MKLN1: variants seen among roughly 807,000 people sequenced by gnomAD.
MKLN1 encodes the protein muskelin 1.
Under a neutral mutation model 99.0 loss-of-function variants are expected in MKLN1, and 18 were observed. That is an observed-to-expected ratio of 0.18 (90% confidence interval 0.13 to 0.27). The LOEUF (loss-of-function observed/expected upper bound fraction) is 0.27, where lower values mean the gene tolerates loss of function less well. Among genes scored for constraint, MKLN1 ranks in the 10% least tolerant of loss-of-function variants. The pLI is 1.00. For synonymous variants in MKLN1, 288 were observed against 293.2 expected (o/e 0.98, Z 0.18); for missense variants, 621 against 875.9 (o/e 0.71, Z 3.67).
chr7:131,460,063 T>A (rs967177297), intron 12 of MKLN1, among the ~76,000 whole-genome samples: 2 of 152,194 alleles, frequency 1.3e-5, no homozygotes, highest in African/African-American at 4.8e-5. Flanking sequence ...TTGGTCATAG[T>A]TTCACTTTTT....
intron 2 of MKLN1, among the ~76,000 whole-genome samples, chr7:131,170,214 T>C (rs1336211946): frequency 6.6e-6 from 1 of 152,204 alleles, no homozygotes; most frequent in Non-Finnish European, 1.5e-5. Flanking sequence ...CAGCCTTCAC[T>C]GCATACTGCA....
chr7:131,417,362 T>A (rs896152968), intron 8 of MKLN1, among the ~76,000 whole-genome samples: 2 of 152,232 alleles, frequency 1.3e-5, no homozygotes, highest in African/African-American at 4.8e-5. Context: ...CTTTTTTTCT[T>A]TTATTCGTTA....
At position 131,124,328 on chromosome 7, in the gene MKLN1, C is replaced by T. The variant is rs551152520; in HGVS notation, c.-419+14121C>T. Among the ~76,000 whole-genome samples, 514 of 152,286 alleles carry T rather than the reference C, an allele frequency of 3.4e-3. 7 individuals carry two copies. The highest frequency in any genetic ancestry group is 4.5e-3 in the Non-Finnish European group (305 of 68,016). On this transcript the variant is annotated intron_variant, in intron 1 of 7. Transcript: ENST00000416992. ...CAGACACATATAGAAACCCGCAAAC[C>T]TGGGGGCTGAACACCTGGCCGAGAA...
chr7:131,316,752 G>A (rs1217942205), intron 3 of MKLN1, among the ~76,000 whole-genome samples: 1 of 152,286 alleles, frequency 6.6e-6, no homozygotes, highest in African/African-American at 2.4e-5. Flanking sequence ...CCAGTTTAGA[G>A]AGGAACATAA....
chr7:131,317,570 G>C (rs543669265), intron 3 of MKLN1, among the ~76,000 whole-genome samples: 1 of 152,100 alleles, frequency 6.6e-6, no homozygotes, highest in East Asian at 1.9e-4. Flanking sequence ...TAACCAGCTA[G>C]CATCATGATG....
chr7:131,476,083 C>T (rs1796958314), intron 16 of MKLN1, among the ~76,000 whole-genome samples: 3 of 152,008 alleles, frequency 2.0e-5, no homozygotes, highest in African/African-American at 4.8e-5. Flanking sequence ...TGAAGAAAAG[C>T]ATCTAAGAAA....
intron 6 of MKLN1, among the ~76,000 whole-genome samples, chr7:131,400,853 A>G (rs1794522404): frequency 6.6e-6 from 1 of 152,104 alleles, no homozygotes; most frequent in Non-Finnish European, 1.5e-5. Flanking sequence ...AGTTTAGAGA[A>G]ATTAGTAGTT....
At chr7:131,229,259 C>G (rs1797203975) in intron 3 of MKLN1, among the ~76,000 whole-genome samples, 1 of 151,876 alleles carries the variant, frequency 6.6e-6, no homozygotes, top group African/African-American at 2.4e-5. Context: ...GTTTGCTGCA[C>G]CCATCGATCC....
intron 2 of MKLN1, among the ~76,000 whole-genome samples, chr7:131,152,684 C>T (rs952747888): frequency 1.3e-5 from 2 of 151,374 alleles, no homozygotes; most frequent in African/African-American, 2.4e-5. Context: ...ATTTTTAGTA[C>T]AGACAGGGTT....
intron 3 of MKLN1, among the ~76,000 whole-genome samples, chr7:131,388,067 T>G (rs1159125748): frequency 6.6e-6 from 1 of 152,140 alleles, no homozygotes; most frequent in Non-Finnish European, 1.5e-5. Context: ...CTTGGGAGGC[T>G]GAGGCAGGAG....
At chr7:131,194,488 G>C (rs1584824392) in intron 2 of MKLN1, among the ~76,000 whole-genome samples, 2 of 152,222 alleles carry the variant, frequency 1.3e-5, no homozygotes, top group Non-Finnish European at 2.9e-5. Flanking sequence ...TTATAAATGG[G>C]TATCATTATT....
chr7:131,297,231 T>G (rs1057219235), intron 3 of MKLN1, among the ~76,000 whole-genome samples: 9 of 152,114 alleles, frequency 5.9e-5, no homozygotes, highest in South Asian at 2.1e-4. Flanking sequence ...TGTGGTGGCG[T>G]GCGCCTGTAG....
intron 3 of MKLN1, among the ~76,000 whole-genome samples, chr7:131,271,390 A>G (rs7808188): frequency 0.39 from 59,375 of 151,442 alleles, 13,487 homozygotes; most frequent in African/African-American, 0.63. Context: ...AGGCCGAGAC[A>G]GGCAGATCAT....
At chr7:131,124,852 G>A (rs981257375) in intron 1 of MKLN1, among the ~76,000 whole-genome samples, 9 of 152,128 alleles carry the variant, frequency 5.9e-5, no homozygotes, top group Non-Finnish European at 8.8e-5. Flanking sequence ...TCAAACCATG[G>A]GACATATGCG....
intron 1 of MKLN1, among the ~76,000 whole-genome samples, chr7:131,371,327 G>C (rs781472840): frequency 6.6e-6 from 1 of 151,796 alleles, no homozygotes; most frequent in African/African-American, 2.4e-5. Flanking sequence ...GGCATTCTTC[G>C]GTTTCTTTTG....
intron 2 of MKLN1, among the ~76,000 whole-genome samples, chr7:131,185,060 A>G (rs1195870845): frequency 6.6e-6 from 1 of 152,038 alleles, no homozygotes; most frequent in Non-Finnish European, 1.5e-5. Context: ...ACCCGAGAGG[A>G]GGAGAGGGTG....
At chr7:131,173,250 G>T (rs1435169593) in intron 2 of MKLN1, among the ~76,000 whole-genome samples, 1 of 151,970 alleles carries the variant, frequency 6.6e-6, no homozygotes, top group Non-Finnish European at 1.5e-5. Flanking sequence ...CATCTTGAAG[G>T]AAATATTAAA....
chr7:131,277,679 G>C lies in MKLN1; in HGVS notation c.-179+74705G>C, dbSNP rs141360622. Among the ~76,000 whole-genome samples, 759 of 152,170 alleles carry C rather than the reference G, an allele frequency of 5.0e-3. 6 individuals carry two copies. The highest frequency in any genetic ancestry group is 0.017 in the African/African-American group (723 of 41,508). On this transcript the variant is annotated intron_variant, in intron 3 of 7. Transcript: ENST00000416992. ...GATCCACCCACCTCAGCCTCCCAAA[G>C]TGCTGGGACTACAGGCGTGAGCCAT...
intron 3 of MKLN1, among the ~76,000 whole-genome samples, chr7:131,220,380 T>C (rs1797043162): frequency 6.6e-6 from 1 of 152,192 alleles, no homozygotes; most frequent in Non-Finnish European, 1.5e-5. Flanking sequence ...TGTATCTCAT[T>C]GGGAAGCTGG....
Sources: allele counts gnomAD v4.1 joint callset (sites outside exome capture counted in the v4.1 genomes callset), GRCh38; gene constraint gnomAD v4.1.1; transcripts MANE v1.5; gene names NCBI Gene and HGNC (gene_info 2026-07-23, HGNC 2026-07-21).